Variants in ZDHHC7 observed in about 807,000 individuals in gnomAD.
The protein encoded by ZDHHC7 is zDHHC palmitoyltransferase 7.
In ZDHHC7, 12 loss-of-function variants were observed where a neutral mutation model predicts 34.1. The observed-to-expected ratio is 0.35, with a 90% CI of 0.23 to 0.57. The LOEUF is 0.57. Among genes scored for constraint, ZDHHC7 ranks in the 20% least tolerant of loss-of-function variants. The pLI, the probability that ZDHHC7 is intolerant of heterozygous loss-of-function variation, is 0.84. For missense variants in ZDHHC7, 388 were observed against 402.7 expected, an observed-to-expected ratio of 0.96 and a Z score of 0.31; for synonymous variants, 185 against 155.4, an observed-to-expected ratio of 1.19 and a Z score of -1.42.
At chr16:85,017,616 C>T in the ZDHHC7 span, among the ~76,000 whole-genome samples, 37 of 152,266 alleles carry the variant, frequency 2.4e-4, no homozygotes, top group Non-Finnish European at 1.6e-4. Context: ...TGTGCCACAA[C>T]GACAATACAC....
rs1051769171 is a variant in ZDHHC7, at chr16:84,988,640, G to C, written c.315+1664C>G. ...GGGTGGGAGCAGAAGCTGGACTGCTGAGTAGCTGTAGAGTCTGAGCGCAGA... is the reference window on the plus strand; with the variant it reads ...GGGTGGGAGCAGAAGCTGGACTGCTCAGTAGCTGTAGAGTCTGAGCGCAGA... On this transcript the variant is annotated intron_variant, in intron 3 of 7. Coordinates refer to ENST00000313732, the MANE Select transcript of ZDHHC7 (RefSeq NM_017740.3). 3.7e-6 allele frequency: 3 copies of C among 821,060 alleles called. No individual in the cohort carries two copies. The African/African-American group carries it at 5.1e-5, about 14-fold the overall frequency. The allele number at this position is 821,060 out of a possible 1,614,324, so 50.9% of individuals were successfully genotyped here. A position where few individuals can be genotyped will look rare whatever the true frequency, so the allele number is the denominator to read the frequency against.
intron 3 of ZDHHC7, among the ~76,000 whole-genome samples, chr16:84,987,109 C>T (rs1156264154): frequency 1.3e-5 from 2 of 152,224 alleles, no homozygotes; most frequent in African/African-American, 4.8e-5. Flanking sequence ...GCCAGCCTCT[C>T]CCCTCTGTCC....
At position 84,981,949 on chromosome 16, in the gene ZDHHC7, A is replaced by G; in HGVS notation, c.361T>C (p.Leu121=). 2 of 1,614,218 alleles carry G rather than the reference A, an allele frequency of 1.2e-6. No homozygotes were observed. The highest frequency in any genetic ancestry group is 1.7e-6 in the Non-Finnish European group (2 of 1,180,032). ...ATGACTTCCCCGGGCTTCAGCTGCA[A>G]GCTCTCCATGTATTCTTTCGTAGCG... The part of the protein sequence containing the change: ...GNATKEYMES[L]QLKPGEVIYK... The change falls in exon 4 of 8, where the codon TTG becomes CTG. Residue 121 remains leucine, a synonymous_variant. Transcript: ENST00000313732.
chr16:85,024,898 T>C, the ZDHHC7 span, among the ~76,000 whole-genome samples: 2 of 152,182 alleles, frequency 1.3e-5, no homozygotes, highest in South Asian at 4.1e-4. Context: ...CTGAAAGTAT[T>C]GAAAGAGAAG....
chr16:84,979,093 C>A, intron 5 of ZDHHC7, 96 bp downstream of exon 5: 1 of 1,215,670 alleles, frequency 8.2e-7, no homozygotes. Context: ...TGGAGAGAAA[C>A]TGGCCTGACG....
the ZDHHC7 span, among the ~76,000 whole-genome samples, chr16:85,023,682 A>C: frequency 1.3e-5 from 2 of 152,134 alleles, no homozygotes; most frequent in East Asian, 1.9e-4. Context: ...GCAGCGGCAC[A>C]ATCTTGGCTC....
chr16:85,024,151 CA>C, the ZDHHC7 span, among the ~76,000 whole-genome samples: 8 of 149,916 alleles, frequency 5.3e-5, no homozygotes, highest in Middle Eastern at 3.5e-3. Flanking sequence ...CTCCTGACCT[CA>C]GATGATCCAC....
chr16:85,012,162 A>T (rs1479667820), upstream of ZDHHC7, among the ~76,000 whole-genome samples: 2 of 152,174 alleles, frequency 1.3e-5, no homozygotes, highest in Non-Finnish European at 2.9e-5. Flanking sequence ...CAGGCTGATC[A>T]CTTGAGGTCA....
At chr16:85,023,370 G>A in the ZDHHC7 span, among the ~76,000 whole-genome samples, 1,951 of 152,058 alleles carry the variant, frequency 0.013, 43 homozygotes, top group African/African-American at 0.044. Flanking sequence ...TCACCGTGTT[G>A]GCCAGGCTGG....
intron 4 of ZDHHC7, among the ~76,000 whole-genome samples, chr16:84,981,337 T>C (rs1424363708): frequency 6.6e-6 from 1 of 151,770 alleles, no homozygotes; most frequent in East Asian, 1.9e-4. Flanking sequence ...CCCAAATAAA[T>C]ACAAAAAAAC....
At chr16:85,024,796 C>G in the ZDHHC7 span, among the ~76,000 whole-genome samples, 14 of 152,280 alleles carry the variant, frequency 9.2e-5, no homozygotes, top group East Asian at 2.3e-3. Context: ...CTGATCAATC[C>G]AGTTATTCCA....
At chr16:84,976,944 C>T in intron 7 of ZDHHC7, 151 bp downstream of exon 7, 2 of 1,204,242 alleles carry the variant, frequency 1.7e-6, no homozygotes, top group South Asian at 3.1e-5. Context: ...ATGAAAGAAA[C>T]AGCAAACACA....
intron 3 of ZDHHC7, among the ~76,000 whole-genome samples, chr16:84,983,502 A>AG (rs1221831306): frequency 2.0e-5 from 3 of 152,168 alleles, no homozygotes; most frequent in Non-Finnish European, 4.4e-5. Context: ...CAGCACAGGC[A>AG]GGGGGGCCCC....
intron 3 of ZDHHC7, among the ~76,000 whole-genome samples, chr16:84,986,770 C>T (rs943328717): frequency 6.6e-6 from 1 of 152,192 alleles, no homozygotes; most frequent in Admixed American, 6.5e-5. Context: ...CTGCCCAGTC[C>T]TATTGGTTTA....
upstream of ZDHHC7, among the ~76,000 whole-genome samples, chr16:85,014,397 T>G (rs2072825901): frequency 6.6e-6 from 1 of 152,176 alleles, no homozygotes; most frequent in African/African-American, 2.4e-5. Flanking sequence ...AAGGTGCTCT[T>G]TTTTTTAGAA....
chr16:85,023,241 A>C, the ZDHHC7 span, among the ~76,000 whole-genome samples: 11 of 145,806 alleles, frequency 7.5e-5, no homozygotes, highest in Non-Finnish European at 1.5e-4. Context: ...ATTTCAGCTT[A>C]CTGCAACCTC....
intron 4 of ZDHHC7, among the ~76,000 whole-genome samples, chr16:84,981,464 C>T (rs912556266): frequency 1.3e-5 from 2 of 152,196 alleles, no homozygotes; most frequent in African/African-American, 4.8e-5. Flanking sequence ...TGGAAGAACC[C>T]AGAGCAGGAG....
At chr16:85,022,362 A>T in the ZDHHC7 span, among the ~76,000 whole-genome samples, 2 of 151,918 alleles carry the variant, frequency 1.3e-5, no homozygotes, top group African/African-American at 4.8e-5. Context: ...CTCTACTAAA[A>T]ATACAAAAAA....
At chr16:84,985,371 T>C (rs924629773) in intron 3 of ZDHHC7, among the ~76,000 whole-genome samples, 1 of 152,240 alleles carries the variant, frequency 6.6e-6, no homozygotes, top group Non-Finnish European at 1.5e-5. Flanking sequence ...CTCCCTGTCA[T>C]GCATTCTGGA....
Sources: allele counts gnomAD v4.1 joint callset (sites outside exome capture counted in the v4.1 genomes callset), GRCh38; gene constraint gnomAD v4.1.1; transcripts MANE v1.5; gene names NCBI Gene and HGNC (gene_info 2026-07-23, HGNC 2026-07-21).